WDR20: variants seen among roughly 807,000 people sequenced by gnomAD.
WDR20 encodes the protein WD repeat domain 20.
In WDR20, 3 loss-of-function variants were observed where a neutral mutation model predicts 38.7. That is an observed-to-expected ratio of 0.08 (90% confidence interval 0.04 to 0.20). The LOEUF is 0.20. WDR20 is among the 10% of genes least tolerant of loss of function. The pLI, the probability that WDR20 is intolerant of heterozygous loss-of-function variation, is 1.00. For missense variants in WDR20, 559 were observed against 727.7 expected, an observed-to-expected ratio of 0.77 and a Z score of 2.67; for synonymous variants, 298 against 285.6, an observed-to-expected ratio of 1.04 and a Z score of -0.44.
intron 1 of WDR20, among the ~76,000 whole-genome samples, chr14:102,188,546 G>C (rs2065452262): frequency 6.6e-6 from 1 of 152,056 alleles, no homozygotes; most frequent in African/African-American, 2.4e-5. Context: ...TGACCCAGCT[G>C]ACTCTGAATT....
chr14:102,152,666 C>T (rs1417653423), intron 1 of WDR20, among the ~76,000 whole-genome samples: 2 of 152,196 alleles, frequency 1.3e-5, no homozygotes, highest in Non-Finnish European at 2.9e-5. Flanking sequence ...CCACCTGCCT[C>T]AGCCTTCCAA....
chr14:102,190,659 G>A (rs918299878), intron 1 of WDR20, among the ~76,000 whole-genome samples: 3 of 151,960 alleles, frequency 2.0e-5, no homozygotes, highest in Non-Finnish European at 4.4e-5. Context: ...CTGAACCCTG[G>A]AGGGCAGGGG....
intron 1 of WDR20, among the ~76,000 whole-genome samples, chr14:102,142,918 G>T (rs1042474416): frequency 6.6e-6 from 1 of 150,590 alleles, no homozygotes; most frequent in East Asian, 2.0e-4. Flanking sequence ...GTCTTTTAAA[G>T]AACTTAACTC....
intron 1 of WDR20, among the ~76,000 whole-genome samples, chr14:102,179,649 T>G (rs1175275729): frequency 6.6e-6 from 1 of 151,974 alleles, no homozygotes; most frequent in Non-Finnish European, 1.5e-5. Flanking sequence ...TTGGAAAGAG[T>G]AATTTTACTG....
intron 1 of WDR20, among the ~76,000 whole-genome samples, chr14:102,169,160 G>GTA (rs918080726): frequency 6.6e-6 from 1 of 152,032 alleles, no homozygotes; most frequent in African/African-American, 2.4e-5. Context: ...GGAGCCAATG[G>GTA]TACACGCTCT....
At chr14:102,147,174 C>T (rs1400024747) in intron 1 of WDR20, among the ~76,000 whole-genome samples, 1 of 152,098 alleles carries the variant, frequency 6.6e-6, no homozygotes, top group African/African-American at 2.4e-5. Flanking sequence ...GCGGGTGGAT[C>T]ATCTGGGGTT....
chr14:102,224,037 ATT>A (rs533802492), downstream of WDR20, among the ~76,000 whole-genome samples: 21 of 123,104 alleles, frequency 1.7e-4, no homozygotes, highest in African/African-American at 1.5e-4. Flanking sequence ...TTTACCTGAG[ATT>A]TTTTTTTTTT....
intron 1 of WDR20, among the ~76,000 whole-genome samples, chr14:102,176,729 A>G (rs1300081567): frequency 6.6e-6 from 1 of 150,674 alleles, no homozygotes; most frequent in Non-Finnish European, 1.5e-5. Flanking sequence ...TTTCAGTAGG[A>G]TTGGTGCCAA....
chr14:102,207,478 G>A lies in WDR20; in HGVS notation c.433-1125G>A, dbSNP rs962006631. ...CCCTGTGTGCCCAGTACCCCTCTGA[G>A]ACTTGAGTCAGGGACTCCCCACCTG... On this transcript the variant is annotated intron_variant, in intron 2 of 2. Coordinates refer to ENST00000342702, the MANE Select transcript of WDR20 (RefSeq NM_144574.4). This position sits in a 1 kb window ranked among gnomAD's most constrained non-coding sequence, Gnocchi z 5.0. Among the ~76,000 whole-genome samples, 1 of 152,236 alleles carries A rather than the reference G, an allele frequency of 6.6e-6. No individual in the cohort carries two copies. The highest frequency in any genetic ancestry group is 2.4e-5 in the African/African-American group (1 of 41,462).
chr14:102,161,789 C>A (rs995555917), intron 1 of WDR20, among the ~76,000 whole-genome samples: 7 of 152,112 alleles, frequency 4.6e-5, no homozygotes, highest in Non-Finnish European at 7.3e-5. Flanking sequence ...GGCTTCACAT[C>A]ACCGTACCAC....
chr14:102,195,686 C>T (rs1161443056), intron 2 of WDR20, among the ~76,000 whole-genome samples: 1 of 152,186 alleles, frequency 6.6e-6, no homozygotes, highest in Non-Finnish European at 1.5e-5. Flanking sequence ...ACTGGGGTTT[C>T]TAGTATCTTC....
chr14:102,146,148 GTTT>G (rs1014801203), intron 1 of WDR20, among the ~76,000 whole-genome samples: 1 of 151,372 alleles, frequency 6.6e-6, no homozygotes, highest in African/African-American at 2.4e-5. Context: ...TGCTGGAAGA[GTTT>G]TTTTGTTTGT....
chr14:102,208,915 T>C lies in WDR20; in HGVS notation c.745T>C (p.Phe249Leu). 6.2e-7 allele frequency: 1 copy of C among 1,614,202 alleles called. No individual in the cohort carries two copies. Among genetic ancestry groups the C allele is most frequent in the Non-Finnish European group, 8.5e-7 (1 of 1,180,028 alleles). The change falls in exon 3 of 3, where the codon TTT becomes CTT. Residue 249 changes from phenylalanine to leucine, a missense_variant. By Grantham distance (22) the Phe-to-Leu change is conservative. Coordinates refer to ENST00000342702, the MANE Select transcript of WDR20 (RefSeq NM_144574.4). The surrounding 1 kb of genome is among the most constrained non-coding windows in gnomAD (Gnocchi z 5.6). ...GGACGGGTTTCTGCGGGTGTTCAAC[T>C]TTGACTCAGTGGAGCTGCACGGTAC... ...SQDGFLRVFN[F>L]DSVELHGTMK...
downstream of WDR20, chr14:102,213,511 A>C: frequency 1.0e-6 from 1 of 985,470 alleles, no homozygotes; most frequent in Non-Finnish European, 1.2e-6. Flanking sequence ...AGGAGCTATC[A>C]CAATCATTCT....
chr14:102,192,311 C>T (rs2058651495), intron 1 of WDR20, among the ~76,000 whole-genome samples: 1 of 151,994 alleles, frequency 6.6e-6, no homozygotes, highest in South Asian at 2.1e-4. Flanking sequence ...TCCCGAGTAG[C>T]TGGGACTACA....
downstream of WDR20, chr14:102,214,246 C>T (rs1372355395): frequency 3.0e-6 from 3 of 985,588 alleles, no homozygotes; most frequent in Non-Finnish European, 3.6e-6. Flanking sequence ...CCTGCAGGGC[C>T]CCCCCTTGTC....
downstream of WDR20, among the ~76,000 whole-genome samples, chr14:102,224,089 T>A (rs887947208): frequency 1.3e-5 from 2 of 148,312 alleles, no homozygotes; most frequent in African/African-American, 2.5e-5. Context: ...TTGTCCAGGC[T>A]GGAGTGCAGT....
rs188977784 is a variant in WDR20 at position 102,208,507 on chromosome 14, C to T, written c.433-96C>T. ...AATGTGGAGGGCCTGGATAGACTTG[C>T]CCCTTCCCATCGAGAAGCACACAAG... is the stretch of plus-strand genomic sequence containing the variant. On this transcript the variant is annotated intron_variant, in intron 2 of 2. Transcript: ENST00000342702. The surrounding 1 kb of genome is among the most constrained non-coding windows in gnomAD (Gnocchi z 5.6). 57 of 1,463,122 alleles carry T rather than the reference C, an allele frequency of 3.9e-5. 1 individual carries two copies. Among genetic ancestry groups the T allele is most frequent in the African/African-American group, 3.4e-4 (24 of 70,900 alleles). 90.6% of individuals were successfully genotyped at this position (1,463,122 alleles called of 1,614,324 possible).
Position 102,209,621 on chromosome 14 carries a change from T to C in WDR20, c.1451T>C (p.Met484Thr), listed in dbSNP as rs1305858819. 2 of 1,614,020 alleles carry C rather than the reference T, an allele frequency of 1.2e-6. No homozygotes were observed. Among genetic ancestry groups the C allele is most frequent in the Admixed American group, 1.7e-5 (1 of 59,994 alleles). Reference sequence around the variant, plus strand: ...AAAGATCACAAGCGAAATCATAGCATGGGACACATTTCTAGCAAGAGCAGT... The same window carrying C: ...AAAGATCACAAGCGAAATCATAGCACGGGACACATTTCTAGCAAGAGCAGT... ...HEKDHKRNHSMGHISSKSSDK... is the reference protein window; with the variant it reads ...HEKDHKRNHSTGHISSKSSDK... The change falls in exon 3 of 3, where the codon ATG (methionine) becomes ACG (threonine). Residue 484 changes from methionine (M) to threonine (T), a missense_variant. Met to Thr is a moderately conservative substitution (Grantham distance 81). Transcript: ENST00000342702. This position sits in a 1 kb window ranked among gnomAD's most constrained non-coding sequence, Gnocchi z 6.0.
Sources: gnomAD v4.1 joint callset for allele counts (sites outside exome capture counted in the v4.1 genomes callset) on GRCh38, gnomAD v4.1.1 for gene constraint, Gnocchi (gnomAD v3.1) non-coding constraint, MANE v1.5 for transcripts, NCBI Gene and HGNC (gene_info 2026-07-23, HGNC 2026-07-21) for gene names.